ARHGAP4: variants seen among roughly 807,000 people sequenced by gnomAD.
ARHGAP4 encodes the protein Rho GTPase activating protein 4.
A neutral mutation model predicts 67.6 loss-of-function variants in ARHGAP4; 25 were observed. The ratio of observed to expected loss-of-function variants is 0.37; its 90% CI spans 0.27 to 0.52. The LOEUF (loss-of-function observed/expected upper bound fraction) is 0.52, where lower values mean the gene tolerates loss of function less well. Ranked by LOEUF, ARHGAP4 falls within the 20% of genes least tolerant of loss-of-function variation. ARHGAP4 has a pLI of 0.92. For missense variants in ARHGAP4, 804 were observed against 854.6 expected (o/e 0.94, Z 0.74); for synonymous variants, 448 against 373.7 (o/e 1.20, Z -2.29).
intron 3 of ARHGAP4, 59 bp downstream of exon 3, chrX:153,921,306 C>T: frequency 8.3e-7 from 1 of 1,205,119 alleles, no homozygotes; most frequent in South Asian, 1.8e-5. Flanking sequence ...CTCCCAGCCA[C>T]AGTGCCTCCT....
At chrX:153,923,234 C>T (rs782356949) in intron 1 of ARHGAP4, among the ~76,000 whole-genome samples, 5 of 110,926 alleles carry the variant, frequency 4.5e-5, no homozygotes, top group African/African-American at 1.3e-4. Context: ...AGGCAAAAGA[C>T]GGCAGGATTC....
At position 153,909,125 on chromosome X, in the gene ARHGAP4, T is replaced by C; in HGVS notation, c.2552A>G (p.His851Arg). The C allele has an allele frequency of 8.3e-7, 1 of 1,211,495 alleles. No homozygotes were observed. The highest frequency in any genetic ancestry group is 1.1e-6 in the Non-Finnish European group (1 of 895,420). Residue 851 changes from histidine to arginine, a missense_variant, in exon 21 of 22, where the codon CAC becomes CGC. His to Arg is a conservative substitution (Grantham distance 29, BLOSUM62 0). Around this residue, in one of 2 missense-constraint regions of ARHGAP4, gnomAD observed 400 missense variants for 348.7 expected, o/e 1.15. Transcript: ENST00000350060. ...TSPEAMGPSGHRRRCLVPASP... is the reference protein window; with the variant it reads ...TSPEAMGPSGRRRRCLVPASP... Reference sequence around the variant, plus strand: ...GGCTGGGACCAAGCAGCGTCGTCTGTGTCCAGAGGGTCCCATGGCCTCAGG... The same window carrying C: ...GGCTGGGACCAAGCAGCGTCGTCTGCGTCCAGAGGGTCCCATGGCCTCAGG...
Position 153,919,163 on chromosome X carries a change from G to A in ARHGAP4, c.802C>T (p.Leu268Phe), listed in dbSNP as rs1557104711. ...SNYYLHDVLD[L>F]MDCCDTGFHL... is the part of the protein sequence containing the mutation. ...GCCCACCAAGGACTCACGTCCATGA[G>A]GTCCAAGACGTCATGCAGGTAGTAG... Residue 268 changes from leucine to phenylalanine, a missense_variant, in exon 6 of 22, where the codon CTC becomes TTC. Physicochemically the swap from Leu to Phe is conservative, Grantham distance 22 (BLOSUM62 0). Coordinates refer to ENST00000350060, the MANE Select transcript of ARHGAP4 (RefSeq NM_001666.5). 8.3e-7 allele frequency: 1 copy of A among 1,212,106 alleles called. No homozygotes were observed. Among genetic ancestry groups the A allele is most frequent in the Non-Finnish European group, 1.1e-6 (1 of 895,549 alleles).
Position 153,913,028 on chromosome X carries a change from A to G in ARHGAP4, c.1435T>C (p.Ser479Pro), listed in dbSNP as rs1323157468. ...CAGCCCTCAGGGAGGACTCACCAAGACACCTCCTGCTCCTCCTTGTCACCT... is the reference window on the plus strand; with the variant it reads ...CAGCCCTCAGGGAGGACTCACCAAGGCACCTCCTGCTCCTCCTTGTCACCT... ...QRGDKEEQEV[S>P]WTQYTQRKFQ... Residue 479 changes from serine to proline, a missense_variant, in exon 11 of 22, where the codon TCT (serine) becomes CCT (proline). Physicochemically the swap from Ser to Pro is moderately conservative, Grantham distance 74 (BLOSUM62 -1). Transcript: ENST00000350060. 4 of 1,193,372 alleles carry G rather than the reference A, an allele frequency of 3.4e-6. No homozygotes were observed. In the Admixed American group the frequency reaches 9.2e-5, roughly 27 times the overall value.
Position 153,909,927 on chromosome X carries a change from G to T in ARHGAP4, c.2231-3C>A. The T allele has an allele frequency of 8.3e-7, 1 of 1,207,150 alleles. No individual in the cohort carries two copies. Among genetic ancestry groups the T allele is most frequent in the East Asian group, 3.0e-5 (1 of 33,740 alleles). ...AGCCTCCACGACCCCCTCCAGGTCTGGGGAGGAGAGGGGGTCCAAGCTGTG... is the reference window on the plus strand; with the variant it reads ...AGCCTCCACGACCCCCTCCAGGTCTTGGGAGGAGAGGGGGTCCAAGCTGTG... On this transcript the variant is annotated splice_polypyrimidine_tract_variant and splice_region_variant and intron_variant, in intron 18 of 21. Coordinates refer to ENST00000350060, the MANE Select transcript of ARHGAP4 (RefSeq NM_001666.5).
At chrX:153,908,989 G>A in intron 21 of ARHGAP4, 81 bp downstream of exon 21, 1 of 1,033,762 alleles carries the variant, frequency 9.7e-7, no homozygotes, top group Non-Finnish European at 1.3e-6. Flanking sequence ...GGAACCTCGA[G>A]GAGGGAGGAG....
In ARHGAP4 at chrX:153,913,062, G is replaced by A. The variant is rs1249757925; in HGVS notation, c.1412-11C>T. ...GCTCCTCCTTGTCACCTGTGGGGTG[G>A]GAGAACATTGGTCTGCCTCTCGGGC... On this transcript the variant is annotated splice_polypyrimidine_tract_variant and intron_variant, in intron 10 of 21. Coordinates refer to ENST00000350060, the MANE Select transcript of ARHGAP4 (RefSeq NM_001666.5). 1.7e-6 allele frequency: 2 copies of A among 1,187,002 alleles called. No individual in the cohort carries two copies. The highest frequency in any genetic ancestry group is 2.3e-6 in the Non-Finnish European group (2 of 883,045).
At chrX:153,922,174 G>A (rs976888519) in intron 1 of ARHGAP4, 2 of 878,597 alleles carry the variant, frequency 2.3e-6, no homozygotes, top group Non-Finnish European at 2.8e-6. Context: ...GCCTCTGAAT[G>A]GTTTCCCCTG....
At chrX:153,919,376 T>C in intron 5 of ARHGAP4, 93 bp from the exon 6 acceptor site, 1 of 1,189,372 alleles carries the variant, frequency 8.4e-7, no homozygotes, top group South Asian at 1.8e-5. Context: ...CCCCTCCCAC[T>C]GTGGACAACT....
At chrX:153,922,280 G>A (rs916279599) in intron 1 of ARHGAP4, 4 of 771,097 alleles carry the variant, frequency 5.2e-6, no homozygotes, top group East Asian at 1.4e-4. Flanking sequence ...TGCTGCTCAG[G>A]GCAAGCCTGC....
At chrX:153,909,706 G>A (rs371890065) in intron 19 of ARHGAP4, 35 bp downstream of exon 19, 151 of 1,154,089 alleles carry the variant, frequency 1.3e-4, no homozygotes, top group South Asian at 8.8e-4. Flanking sequence ...GGGAGACTCC[G>A]GGAGCCCTGG....
chrX:153,909,247 G>A, intron 20 of ARHGAP4, 78 bp from the exon 21 acceptor site: 1 of 996,674 alleles, frequency 1.0e-6, no homozygotes, highest in Non-Finnish European at 1.4e-6. Context: ...TCCCATCCTG[G>A]GGTGTGGCCA....
chrX:153,914,569 C>T (rs2065042527), intron 7 of ARHGAP4, among the ~76,000 whole-genome samples: 2 of 112,026 alleles, frequency 1.8e-5, no homozygotes, highest in African/African-American at 6.5e-5. Context: ...CGGTGGCATG[C>T]GCCTGTAGTC....
chrX:153,909,018 G>A, intron 21 of ARHGAP4, 52 bp downstream of exon 21: 22 of 1,153,527 alleles, frequency 1.9e-5, no homozygotes, highest in Non-Finnish European at 2.6e-5. Flanking sequence ...CCAAGGGGAG[G>A]CAGAGATCCC....
intron 15 of ARHGAP4, 28 bp downstream of exon 15, chrX:153,910,671 AC>A: frequency 8.6e-7 from 1 of 1,160,607 alleles, no homozygotes; most frequent in Non-Finnish European, 1.1e-6. Context: ...CAAGTGCCCT[AC>A]CCCGCCAGCC....
chrX:153,907,784 G>A lies in ARHGAP4; in HGVS notation c.2786C>T (p.Ala929Val). 1 of 1,012,437 alleles carries A rather than the reference G, an allele frequency of 9.9e-7. No homozygotes were observed. Among genetic ancestry groups the A allele is most frequent in the Non-Finnish European group, 1.3e-6 (1 of 789,712 alleles). The allele number at this position is 1,012,437 out of a possible 1,213,427, so 83.4% of individuals were successfully genotyped here. ...KGFSRGPGAP[A>V]SPSASHPQGL... Reference sequence around the variant, plus strand: ...CTGGGGGTGGGAAGCTGAGGGTGAGGCTGGGGCCCCAGGGCCCCGGGAGAA... The same window carrying A: ...CTGGGGGTGGGAAGCTGAGGGTGAGACTGGGGCCCCAGGGCCCCGGGAGAA... The change falls in exon 22 of 22, where the codon GCC becomes GTC. Residue 929 changes from alanine (A) to valine (V), a missense_variant. Ala to Val is a moderately conservative substitution (Grantham distance 64, BLOSUM62 0). Around this residue, in one of 2 missense-constraint regions of ARHGAP4, gnomAD observed 400 missense variants for 348.7 expected, o/e 1.15. Coordinates refer to ENST00000350060, the MANE Select transcript of ARHGAP4 (RefSeq NM_001666.5).
chrX:153,919,379 G>A (rs1022371758), intron 5 of ARHGAP4, 96 bp from the exon 6 acceptor site: 86 of 1,186,938 alleles, frequency 7.2e-5, no homozygotes, highest in Non-Finnish European at 9.3e-5. Flanking sequence ...CTCCCACTGT[G>A]GACAACTACA....
intron 2 of ARHGAP4, 26 bp downstream of exon 2, chrX:153,921,579 G>T: frequency 8.3e-7 from 1 of 1,205,454 alleles, no homozygotes; most frequent in Non-Finnish European, 1.1e-6. Context: ...GCCCTGCCGT[G>T]GCCCCCCTGC....
intron 1 of ARHGAP4, among the ~76,000 whole-genome samples, chrX:153,925,079 A>G (rs1036015134): frequency 1.2e-4 from 13 of 111,603 alleles, no homozygotes; most frequent in Admixed American, 1.9e-4. Context: ...TTTCAGCTTC[A>G]TGGCATTTTG....
Sources: allele counts gnomAD v4.1 joint callset (sites outside exome capture counted in the v4.1 genomes callset), GRCh38; gene constraint gnomAD v4.1.1; regional missense constraint gnomAD v4.1.1; transcripts MANE v1.5; gene names NCBI Gene and HGNC (gene_info 2026-07-23, HGNC 2026-07-21).